The following USH2A variants were observed in gnomAD, a reference collection of about 807,000 sequenced individuals.
The protein encoded by USH2A is Usher syndrome 2A (autosomal recessive, mild).
Under a neutral mutation model 538.9 loss-of-function variants are expected in USH2A, and 443 were observed. The observed-to-expected ratio is 0.82, with a 90% CI of 0.76 to 0.89. The LOEUF is 0.89. USH2A is among the 40% of genes least tolerant of loss of function. The pLI, the probability that USH2A is intolerant of heterozygous loss-of-function variation, is 0.00. For missense variants in USH2A, 6,633 were observed against 6,324.8 expected (o/e 1.05, Z -1.65); for synonymous variants, 2,413 against 2,273.5 (o/e 1.06, Z -1.75).
Position 215,625,023 on chromosome 1 carries a change from A to C in USH2A, c.*758T>G, listed in dbSNP as rs944614664. On this transcript the variant is annotated 3_prime_UTR_variant, in exon 72 of 72. Coordinates refer to ENST00000307340, the MANE Select transcript of USH2A (RefSeq NM_206933.4). ...TATATGAAATAAAAACATTGGTTCA[A>C]GTAGAGGTGTTCCTAGTGAAACACT... 6.6e-6 allele frequency: 1 copy of C among 152,244 alleles called. No individual in the cohort carries two copies. The highest frequency in any genetic ancestry group is 6.5e-5 in the Admixed American group (1 of 15,274). The allele number at this position is 152,244 out of a possible 1,614,324, so 9.4% of individuals were successfully genotyped here. A position where few individuals can be genotyped will look rare whatever the true frequency, so the allele number is the denominator to read the frequency against.
At chr1:216,063,205 CA>C (rs991634444) in intron 30 of USH2A, among the ~76,000 whole-genome samples, 2 of 152,186 alleles carry the variant, frequency 1.3e-5, no homozygotes, top group African/African-American at 4.8e-5. Flanking sequence ...AACCAACTGG[CA>C]AAACAGCTGC....
In USH2A at chr1:215,859,767, C is replaced by T. The variant is rs141368451; in HGVS notation, c.8845+7240G>A. On this transcript the variant is annotated intron_variant, in intron 44 of 71. Transcript: ENST00000307340. The stretch of plus-strand genomic sequence containing the variant: ...AATTAGGGCTTTAGTCCATAACAGA[C>T]GGGCTAGTTAAAAGTTATCCTGCAA... Among the ~76,000 whole-genome samples the T allele has an allele frequency of 2.5e-4, 38 of 152,230 alleles. No individual in the cohort carries two copies. The East Asian group carries it at 5.0e-3, about 20-fold the overall frequency.
At chr1:215,923,080 T>C (rs756650165) in intron 38 of USH2A, among the ~76,000 whole-genome samples, 3 of 152,122 alleles carry the variant, frequency 2.0e-5, no homozygotes, top group Non-Finnish European at 4.4e-5. Flanking sequence ...AACACATATG[T>C]TAAGTTTAGC....
chr1:215,824,773 T>C (rs1008115718), intron 47 of USH2A, among the ~76,000 whole-genome samples: 2 of 152,138 alleles, frequency 1.3e-5, no homozygotes, highest in African/African-American at 2.4e-5. Flanking sequence ...CGGGAAACTG[T>C]CCACTTCAAT....
chr1:216,001,871 C>T (rs1668272045), intron 32 of USH2A, among the ~76,000 whole-genome samples: 1 of 152,072 alleles, frequency 6.6e-6, no homozygotes, highest in African/African-American at 2.4e-5. Flanking sequence ...AATATGGTTA[C>T]CTTAGAACAA....
At chr1:216,126,976 T>C (rs935857587) in intron 21 of USH2A, among the ~76,000 whole-genome samples, 26 of 152,208 alleles carry the variant, frequency 1.7e-4, no homozygotes, top group African/African-American at 6.0e-4. Context: ...TTATCACTCT[T>C]ACTATGCCAA....
At position 215,674,741 on chromosome 1, in the gene USH2A, T is replaced by C; in HGVS notation, c.13170A>G (p.Leu4390=). 1 of 1,614,140 alleles carries C rather than the reference T, an allele frequency of 6.2e-7. No homozygotes were observed. The highest frequency in any genetic ancestry group is 1.1e-5 in the South Asian group (1 of 91,082). Residue 4390 remains leucine (L), a synonymous_variant, in exon 63 of 72, where the codon TTA becomes TTG. Coordinates refer to ENST00000307340, the MANE Select transcript of USH2A (RefSeq NM_206933.4). ...TVQNGKITKY[L]VRYDNKESLA... ...GGGACTCTTTATTATCATATCTAAC[T>C]AAATATTTAGTAATCTTTCCATTTT... is the stretch of plus-strand genomic sequence containing the variant.
intron 55 of USH2A, among the ~76,000 whole-genome samples, chr1:215,777,403 C>A (rs1157010411): frequency 6.6e-6 from 1 of 152,106 alleles, no homozygotes; most frequent in Non-Finnish European, 1.5e-5. Flanking sequence ...AAATGCAAAC[C>A]AATAAAGTAG....
chr1:216,059,544 A>G (rs930781856), intron 30 of USH2A, among the ~76,000 whole-genome samples: 5 of 152,126 alleles, frequency 3.3e-5, no homozygotes, highest in African/African-American at 4.8e-5. Flanking sequence ...CACTATTTTT[A>G]TAGGTTTTTG....
rs140267788 is a variant in USH2A, at chr1:215,755,499, T to C, written c.11389+3096A>G. On this transcript the variant is annotated intron_variant, in intron 58 of 71. Transcript: ENST00000307340. ...AAATCAAAACACAGCATGAGGTACT[T>C]TCCAATAAAATCAACTGTAGATTAT... 1.1e-4 allele frequency among the ~76,000 whole-genome samples: 17 copies of C among 152,290 alleles called. No homozygotes were observed. In the East Asian group the frequency reaches 1.3e-3, roughly 12 times the overall value.
chr1:216,076,901 G>A (rs2031771617), intron 27 of USH2A, among the ~76,000 whole-genome samples: 1 of 152,160 alleles, frequency 6.6e-6, no homozygotes, highest in South Asian at 2.1e-4. Flanking sequence ...TTGGTCCTAT[G>A]CTGGAAGTTA....
chr1:216,168,076 T>G (rs2034205232), intron 21 of USH2A, among the ~76,000 whole-genome samples: 1 of 152,148 alleles, frequency 6.6e-6, no homozygotes, highest in Non-Finnish European at 1.5e-5. Context: ...AACTAATTTT[T>G]TTCAAGAAAA....
chr1:215,861,481 T>C (rs1664310407), intron 44 of USH2A, among the ~76,000 whole-genome samples: 1 of 152,184 alleles, frequency 6.6e-6, no homozygotes, highest in African/African-American at 2.4e-5. Flanking sequence ...AAACAGACTG[T>C]GCTCCATGTG....
chr1:216,030,096 C>A (rs1432655296), intron 32 of USH2A, among the ~76,000 whole-genome samples: 8 of 142,398 alleles, frequency 5.6e-5, no homozygotes, highest in Admixed American at 3.6e-4. Flanking sequence ...TGATATACAT[C>A]ACAGATATAT....
intron 9 of USH2A, among the ~76,000 whole-genome samples, chr1:216,312,726 C>T (rs911368959): frequency 6.6e-6 from 1 of 152,114 alleles, no homozygotes; most frequent in Non-Finnish European, 1.5e-5. Flanking sequence ...TTAGTGTATT[C>T]ATCAGAGCCG....
intron 13 of USH2A, among the ~76,000 whole-genome samples, chr1:216,238,662 A>G (rs1460304711): frequency 6.6e-6 from 1 of 152,230 alleles, no homozygotes; most frequent in Non-Finnish European, 1.5e-5. Flanking sequence ...TACTTGAATT[A>G]AACCTATTCC....
At chr1:215,753,481 A>G (rs1031162145) in intron 58 of USH2A, among the ~76,000 whole-genome samples, 2 of 152,256 alleles carry the variant, frequency 1.3e-5, no homozygotes, top group Non-Finnish European at 1.5e-5. Flanking sequence ...CTATGCAGCC[A>G]TAAAAAATGA....
At chr1:216,367,963 G>C (rs1355906627) in intron 3 of USH2A, among the ~76,000 whole-genome samples, 1 of 152,100 alleles carries the variant, frequency 6.6e-6, no homozygotes, top group African/African-American at 2.4e-5. Context: ...AGGACAAGAG[G>C]AGCTCGTGCA....
chr1:215,692,450 C>CATAT (rs375951866), intron 61 of USH2A, among the ~76,000 whole-genome samples: 4,206 of 142,246 alleles, frequency 0.03, 177 homozygotes, highest in African/African-American at 0.1. Context: ...AGATATTTTA[C>CATAT]ATATATATAT....
Sources: gnomAD v4.1 joint callset for allele counts (sites outside exome capture counted in the v4.1 genomes callset) on GRCh38, gnomAD v4.1.1 for gene constraint, MANE v1.5 for transcripts, NCBI Gene and HGNC (gene_info 2026-07-23, HGNC 2026-07-21) for gene names.